PTK2B: variants seen among roughly 807,000 people sequenced by gnomAD.
PTK2B encodes the protein protein-tyrosine kinase 2-beta.
Under a neutral mutation model 142.9 loss-of-function variants are expected in PTK2B, and 71 were observed. The ratio of observed to expected loss-of-function variants is 0.50; its 90% CI spans 0.41 to 0.61. The LOEUF (loss-of-function observed/expected upper bound fraction) is 0.61, where lower values mean the gene tolerates loss of function less well. Among genes scored for constraint, PTK2B ranks in the 20% least tolerant of loss-of-function variants. The pLI is 0.00. For synonymous variants in PTK2B, 519 were observed against 503.4 expected (o/e 1.03, Z -0.42); for missense variants, 1,105 against 1,320.4 (o/e 0.84, Z 2.53).
intron 24 of PTK2B, among the ~76,000 whole-genome samples, chr8:27,448,947 G>A (rs966669681): frequency 6.6e-6 from 1 of 152,192 alleles, no homozygotes; most frequent in African/African-American, 2.4e-5. Context: ...CCTAAAATAA[G>A]GTCTAGCTCA....
At chr8:27,415,831 T>C (rs7012480) in intron 2 of PTK2B, among the ~76,000 whole-genome samples, 64,919 of 152,106 alleles carry the variant, frequency 0.43, 14,309 homozygotes, top group South Asian at 0.53. Context: ...ACAAAAGACC[T>C]ATACAATATA....
Position 27,437,805 on chromosome 8 carries a change from T to C in PTK2B, c.1568T>C (p.Val523Ala), listed in dbSNP as rs1307488913. 1 of 1,613,454 alleles carries C rather than the reference T, an allele frequency of 6.2e-7. No homozygotes were observed. Among genetic ancestry groups the C allele is most frequent in the East Asian group, 2.2e-5 (1 of 44,876 alleles). ...YLERNKNSLK[V>A]LTLVLYSLQI... ...GAGCGGAACAAGAACTCCCTGAAGG[T>C]GCTCACCCTCGTGCTGTACTCACTG... Residue 523 changes from valine (V) to alanine (A), a missense_variant, in exon 18 of 31, where the codon GTG becomes GCG. Physicochemically the swap from Val to Ala is moderately conservative, Grantham distance 64 (BLOSUM62 0). Coordinates refer to ENST00000346049, the MANE Select transcript of PTK2B (RefSeq NM_173176.3).
intron 1 of PTK2B, among the ~76,000 whole-genome samples, chr8:27,362,761 C>T (rs1408686342): frequency 6.6e-6 from 1 of 152,146 alleles, no homozygotes; most frequent in African/African-American, 2.4e-5. Flanking sequence ...GGCAAAGAGC[C>T]GTTACCATGC....
chr8:27,360,067 G>A (rs1394363943), intron 1 of PTK2B, among the ~76,000 whole-genome samples: 1 of 152,208 alleles, frequency 6.6e-6, no homozygotes, highest in Non-Finnish European at 1.5e-5. Flanking sequence ...AGATGTCTTT[G>A]TTATGGTTTA....
intron 1 of PTK2B, among the ~76,000 whole-genome samples, chr8:27,372,096 G>A (rs1410441824): frequency 6.6e-6 from 1 of 152,202 alleles, no homozygotes; most frequent in Non-Finnish European, 1.5e-5. Flanking sequence ...AACAGTAGTT[G>A]CTATTGTGAC....
At chr8:27,454,672 A>G (rs1318544308) in intron 30 of PTK2B, 61 bp downstream of exon 30, 19 of 1,530,628 alleles carry the variant, frequency 1.2e-5, no homozygotes, top group Middle Eastern at 1.7e-4. Context: ...TATGAGCCTC[A>G]TTAGAGGCTC....
chr8:27,317,304 G>A (rs960246163), intron 3 of PTK2B, among the ~76,000 whole-genome samples: 1 of 152,168 alleles, frequency 6.6e-6, no homozygotes, highest in African/African-American at 2.4e-5. Context: ...GAATTTACCT[G>A]AATCATGTGA....
At chr8:27,320,980 C>CGTTTTTTTTTTT (rs1586072227), upstream of PTK2B, among the ~76,000 whole-genome samples, 1 of 39,398 alleles carries the variant, frequency 2.5e-5, no homozygotes, top group Non-Finnish European at 4.5e-5. Flanking sequence ...ATACAAAAGG[C>CGTTTTTTTTTTT]TTTTTTTTTT....
intron 1 of PTK2B, among the ~76,000 whole-genome samples, chr8:27,376,160 T>C (rs1288825125): frequency 6.6e-6 from 1 of 152,186 alleles, no homozygotes; most frequent in African/African-American, 2.4e-5. Context: ...TCTAAAGTCC[T>C]CAGAACCCAA....
chr8:27,448,048 A>AG (rs1430883196), intron 24 of PTK2B, among the ~76,000 whole-genome samples: 1 of 152,220 alleles, frequency 6.6e-6, no homozygotes, highest in Non-Finnish European at 1.5e-5. Flanking sequence ...GGTACCACAA[A>AG]GTGGGAGTTC....
At chr8:27,377,379 C>A (rs1345769924) in intron 1 of PTK2B, among the ~76,000 whole-genome samples, 1 of 152,142 alleles carries the variant, frequency 6.6e-6, no homozygotes, top group Non-Finnish European at 1.5e-5. Flanking sequence ...TGCTAACATG[C>A]CCAATTTTAT....
chr8:27,344,229 T>C (rs1225260618), intron 1 of PTK2B, among the ~76,000 whole-genome samples: 1 of 152,130 alleles, frequency 6.6e-6, no homozygotes, highest in East Asian at 1.9e-4. Flanking sequence ...ACTGATATTA[T>C]TGCTCTTTTA....
intron 1 of PTK2B, among the ~76,000 whole-genome samples, chr8:27,350,943 T>C (rs1805017183): frequency 7.8e-6 from 1 of 127,920 alleles, no homozygotes. Context: ...ACCAGTGCAT[T>C]CCAGCCTGGG....
chr8:27,397,163 CTT>C (rs1184688783), intron 1 of PTK2B, among the ~76,000 whole-genome samples: 1 of 152,198 alleles, frequency 6.6e-6, no homozygotes, highest in Non-Finnish European at 1.5e-5. Flanking sequence ...CTGTCTCACT[CTT>C]TGCTTTTTCT....
intron 2 of PTK2B, 137 bp downstream of exon 2, chr8:27,397,925 T>G (rs1416120017): frequency 1.8e-6 from 2 of 1,105,526 alleles, no homozygotes; most frequent in Non-Finnish European, 2.6e-6. Flanking sequence ...ATCAGAGAGA[T>G]GTGCTCAGCC....
chr8:27,411,278 G>A lies in PTK2B; in HGVS notation c.205-8617G>A, dbSNP rs551815757. Among the ~76,000 whole-genome samples, 3 of 152,294 alleles carry A rather than the reference G, an allele frequency of 2.0e-5. No homozygotes were observed. The South Asian group carries it at 6.2e-4, about 32-fold the overall frequency. Reference sequence around the variant, plus strand: ...GTTTACATATTAGAATGATAAAGAAGAGGATTCAGGCTGAGGAAGGCAGGG... The same window carrying A: ...GTTTACATATTAGAATGATAAAGAAAAGGATTCAGGCTGAGGAAGGCAGGG... On this transcript the variant is annotated intron_variant, in intron 2 of 30. Coordinates refer to ENST00000346049, the MANE Select transcript of PTK2B (RefSeq NM_173176.3).
intron 2 of PTK2B, among the ~76,000 whole-genome samples, chr8:27,416,659 G>A (rs1347169364): frequency 6.6e-6 from 1 of 152,140 alleles, no homozygotes; most frequent in African/African-American, 2.4e-5. Flanking sequence ...CATTGATTAG[G>A]CAATGCAGAA....
At chr8:27,451,862 T>C (rs891393) in intron 27 of PTK2B, 684,487 of 798,842 alleles carry the variant, frequency 0.86, 294,780 homozygotes, top group Middle Eastern at 0.93. Context: ...GCCACCTGCC[T>C]GTCCCAGTTC....
At chr8:27,382,013 G>A (rs1241321463) in intron 1 of PTK2B, among the ~76,000 whole-genome samples, 1 of 152,188 alleles carries the variant, frequency 6.6e-6, no homozygotes, top group African/African-American at 2.4e-5. Context: ...GCAGTGGCAT[G>A]ATCTCGGCTC....
Sources: gnomAD v4.1 joint callset for allele counts (sites outside exome capture counted in the v4.1 genomes callset) on GRCh38, gnomAD v4.1.1 for gene constraint, MANE v1.5 for transcripts, NCBI Gene and HGNC (gene_info 2026-07-23, HGNC 2026-07-21) for gene names.